The following FRMPD4 variants were observed in gnomAD, a reference collection of about 807,000 sequenced individuals.
FRMPD4 encodes FERM and PDZ domain-containing protein 4.
A neutral mutation model predicts 94.1 loss-of-function variants in FRMPD4; 22 were observed. The observed-to-expected ratio is 0.23, with a 90% CI of 0.17 to 0.33. The LOEUF is 0.33. FRMPD4 is among the 10% of genes least tolerant of loss of function. The pLI, the probability that FRMPD4 is intolerant of heterozygous loss-of-function variation, is 1.00. For synonymous variants in FRMPD4, 631 were observed against 548.6 expected (o/e 1.15, Z -2.10); for missense variants, 1,111 against 1,339.9 (o/e 0.83, Z 2.67).
At chrX:11,925,253 T>G (rs184116175) in intron 3 of FRMPD4, among the ~76,000 whole-genome samples, 1 of 111,059 alleles carries the variant, frequency 9.0e-6, no homozygotes, top group African/African-American at 3.3e-5. Context: ...GTGCCCAGAT[T>G]CATAAAGCAA....
At chrX:12,235,580 T>G (rs1191218265) in intron 1 of FRMPD4, among the ~76,000 whole-genome samples, 1 of 112,409 alleles carries the variant, frequency 8.9e-6, no homozygotes, top group African/African-American at 3.2e-5. Flanking sequence ...ATCAGTACTA[T>G]TAAGCTGCTT....
At chrX:12,507,325 C>T (rs1459159010) in intron 2 of FRMPD4, among the ~76,000 whole-genome samples, 3 of 112,198 alleles carry the variant, frequency 2.7e-5, no homozygotes, top group Non-Finnish European at 1.9e-5. Flanking sequence ...CTTTGGAGGC[C>T]ATGTGGTCTC....
At chrX:12,085,868 C>CA (rs1198680794) in intron 3 of FRMPD4, among the ~76,000 whole-genome samples, 2 of 110,482 alleles carry the variant, frequency 1.8e-5, no homozygotes, top group African/African-American at 3.3e-5. Context: ...AATTCTGTCT[C>CA]AAAAAAAAAT....
intron 3 of FRMPD4, among the ~76,000 whole-genome samples, chrX:11,918,778 G>T (rs1252208756): frequency 8.9e-6 from 1 of 112,121 alleles, no homozygotes; most frequent in African/African-American, 3.2e-5. Context: ...TTTTAAAAAG[G>T]GTTGATCACC....
chrX:12,518,537 C>T (rs1279423725), intron 2 of FRMPD4, among the ~76,000 whole-genome samples: 1 of 111,803 alleles, frequency 8.9e-6, no homozygotes, highest in Non-Finnish European at 1.9e-5. Flanking sequence ...AGAAAAAACA[C>T]TCAGCAAACT....
intron 3 of FRMPD4, among the ~76,000 whole-genome samples, chrX:11,926,072 C>G (rs1224490813): frequency 9.1e-6 from 1 of 110,147 alleles, no homozygotes; most frequent in East Asian, 2.8e-4. Flanking sequence ...ACTGACCCCA[C>G]TGAAATACAA....
At chrX:12,590,872 A>G (rs1379125229) in intron 2 of FRMPD4, among the ~76,000 whole-genome samples, 1 of 112,046 alleles carries the variant, frequency 8.9e-6, no homozygotes, top group Non-Finnish European at 1.9e-5. Flanking sequence ...ACCAACATGA[A>G]GCATTTGTGC....
At chrX:12,144,070 A>T (rs2055729124) in intron 1 of FRMPD4, among the ~76,000 whole-genome samples, 1 of 112,267 alleles carries the variant, frequency 8.9e-6, no homozygotes, top group Non-Finnish European at 1.9e-5. Flanking sequence ...GTGAACTGAT[A>T]ATCAAGTCAA....
At chrX:12,297,860 CAT>C (rs2054796878) in intron 1 of FRMPD4, among the ~76,000 whole-genome samples, 1 of 111,399 alleles carries the variant, frequency 9.0e-6, no homozygotes, top group African/African-American at 3.3e-5. Flanking sequence ...TTGATCATGC[CAT>C]ATATCTTACC....
intron 2 of FRMPD4, among the ~76,000 whole-genome samples, chrX:12,527,359 G>A (rs923012258): frequency 3.6e-5 from 4 of 111,004 alleles, no homozygotes; most frequent in Non-Finnish European, 7.6e-5. Flanking sequence ...TTTTCCCTTC[G>A]TTAATTTACA....
chrX:11,978,625 A>T (rs1432223890), intron 3 of FRMPD4, among the ~76,000 whole-genome samples: 2 of 111,955 alleles, frequency 1.8e-5, no homozygotes, highest in Non-Finnish European at 3.8e-5. Flanking sequence ...AAGTAATGAA[A>T]TGGTTATTAT....
At chrX:12,360,957 GA>G (rs71871271) in intron 1 of FRMPD4, among the ~76,000 whole-genome samples, 1,293 of 58,829 alleles carry the variant, frequency 0.022, 11 homozygotes, top group African/African-American at 0.064. Context: ...GCCATGAAAA[GA>G]AAAAAAAAAA....
At chrX:12,390,747 C>T (rs978441771) in intron 1 of FRMPD4, among the ~76,000 whole-genome samples, 3 of 111,901 alleles carry the variant, frequency 2.7e-5, no homozygotes, top group East Asian at 2.8e-4. Flanking sequence ...GTCACTCCAT[C>T]GATATGGCCA....
intron 1 of FRMPD4, among the ~76,000 whole-genome samples, chrX:12,432,067 A>G (rs2148108872): frequency 8.9e-6 from 1 of 112,100 alleles, no homozygotes; most frequent in East Asian, 2.8e-4. Context: ...GCAGCATTGA[A>G]CATTATGAGC....
In FRMPD4 at chrX:12,295,971, G is replaced by A. The variant is rs763907873; in HGVS notation, c.41+156959G>A. 9.9e-5 allele frequency among the ~76,000 whole-genome samples: 11 copies of A among 111,211 alleles called. No homozygotes were observed. The South Asian group carries it at 1.2e-3, about 12-fold the overall frequency. ...GCAGTTAAAAACCCTTTCCTTTAGA[G>A]CAAGCCCTATTTACTTTTCAGGTTG... On this transcript the variant is annotated intron_variant, in intron 1 of 16. Transcript: ENST00000675598.
At chrX:12,354,135 T>C (rs1210812982) in intron 1 of FRMPD4, among the ~76,000 whole-genome samples, 2 of 112,325 alleles carry the variant, frequency 1.8e-5, no homozygotes, top group East Asian at 5.5e-4. Context: ...TTTACTAGCA[T>C]CCCCAATATT....
chrX:11,952,605 T>G (rs2054230699), intron 3 of FRMPD4, among the ~76,000 whole-genome samples: 2 of 112,223 alleles, frequency 1.8e-5, no homozygotes, highest in South Asian at 3.7e-4. Flanking sequence ...TTTTTTGCCC[T>G]GATTTTTTGC....
chrX:12,268,109 G>A (rs185731820), intron 1 of FRMPD4, among the ~76,000 whole-genome samples: 170 of 112,354 alleles, frequency 1.5e-3, no homozygotes, highest in Non-Finnish European at 2.6e-3. Flanking sequence ...CATCTGTAGC[G>A]TCATCTCCCT....
At chrX:12,418,442 T>C (rs1341241766) in intron 1 of FRMPD4, among the ~76,000 whole-genome samples, 1 of 99,454 alleles carries the variant, frequency 1.0e-5, no homozygotes, top group African/African-American at 3.7e-5. Context: ...CACTGCAACC[T>C]CCACCTCCTG....
Sources: allele counts gnomAD v4.1 joint callset (sites outside exome capture counted in the v4.1 genomes callset), GRCh38; gene constraint gnomAD v4.1.1; transcripts MANE v1.5; gene names NCBI Gene and HGNC (gene_info 2026-07-23, HGNC 2026-07-21).